The following IL10RB variants were observed in gnomAD, a reference collection of about 807,000 sequenced individuals.
IL10RB encodes the protein interleukin-10 receptor subunit beta.
IL10RB carries 30 observed loss-of-function variants against 38.7 expected under a neutral mutation model. That is an observed-to-expected ratio of 0.78 (90% confidence interval 0.58 to 1.05). The LOEUF (loss-of-function observed/expected upper bound fraction) is 1.05, where lower values mean the gene tolerates loss of function less well. IL10RB is among the 50% of genes least tolerant of loss of function. IL10RB has a pLI of 0.00. For synonymous variants in IL10RB, 142 were observed against 145.9 expected (o/e 0.97, Z 0.19); for missense variants, 328 against 397.1 (o/e 0.83, Z 1.48).
chr21:33,301,280 T>G (rs2082985243), downstream of IL10RB, among the ~76,000 whole-genome samples: 3 of 152,256 alleles, frequency 2.0e-5, no homozygotes, highest in Admixed American at 6.5e-5. Context: ...TCCATGGTTC[T>G]GTCTCCTGAC....
downstream of IL10RB, among the ~76,000 whole-genome samples, chr21:33,297,734 G>A (rs981660157): frequency 6.6e-6 from 1 of 152,020 alleles, no homozygotes; most frequent in Admixed American, 6.6e-5. Flanking sequence ...GATAGCTTGA[G>A]CCCAGGAGGT....
At chr21:33,282,857 GC>G (rs1329182739) in intron 4 of IL10RB, among the ~76,000 whole-genome samples, 3 of 152,110 alleles carry the variant, frequency 2.0e-5, no homozygotes, top group African/African-American at 7.2e-5. Flanking sequence ...AGAAGTGATG[GC>G]TTGTGTGTCA....
intron 6 of IL10RB, among the ~76,000 whole-genome samples, chr21:33,290,603 C>T (rs929625591): frequency 6.6e-6 from 1 of 152,204 alleles, no homozygotes; most frequent in Non-Finnish European, 1.5e-5. Context: ...GTTCCACCTG[C>T]TGGGGACACA....
chr21:33,281,739 C>T (rs963462260), intron 4 of IL10RB, among the ~76,000 whole-genome samples: 1 of 152,210 alleles, frequency 6.6e-6, no homozygotes, highest in African/African-American at 2.4e-5. Context: ...TCTGCCACCA[C>T]ACCCCGCTAA....
chr21:33,309,937 G>A (rs982039641), exon 2 of IL10RB: 2 of 152,182 alleles, frequency 1.3e-5, no homozygotes, highest in African/African-American at 4.8e-5. Context: ...TTGAAGTAGG[G>A]CCTACAGCAG....
At chr21:33,286,900 T>C (rs1177467322) in intron 5 of IL10RB, among the ~76,000 whole-genome samples, 3 of 151,736 alleles carry the variant, frequency 2.0e-5, no homozygotes, top group Non-Finnish European at 4.4e-5. Context: ...AAAGAAAGAA[T>C]GCGTGGGGAG....
chr21:33,297,445 C>A (rs1205926195), downstream of IL10RB, among the ~76,000 whole-genome samples: 1 of 149,848 alleles, frequency 6.7e-6, no homozygotes, highest in African/African-American at 2.5e-5. Context: ...AAAAAAAAAC[C>A]TAGAAATAAA....
chr21:33,295,671 CAA>C (rs549680649), intron 6 of IL10RB, among the ~76,000 whole-genome samples: 26,373 of 109,898 alleles, frequency 0.24, 2,365 homozygotes, highest in African/African-American at 0.32. Context: ...GACTCCATCT[CAA>C]AAAAAAAAAA....
chr21:33,306,813 C>T (rs927632501), intron 1 of IL10RB, among the ~76,000 whole-genome samples: 1 of 152,126 alleles, frequency 6.6e-6, no homozygotes, highest in African/African-American at 2.4e-5. Context: ...CTGGGAGTCA[C>T]CACACCCAGC....
chr21:33,308,610 A>G (rs989413166), intron 1 of IL10RB: 65 of 152,346 alleles, frequency 4.3e-4, no homozygotes, highest in African/African-American at 1.5e-3. Flanking sequence ...AAAACTGTAT[A>G]CAGTATATTG....
intron 4 of IL10RB, among the ~76,000 whole-genome samples, chr21:33,281,173 A>G (rs1203386059): frequency 6.6e-6 from 1 of 152,184 alleles, no homozygotes; most frequent in Non-Finnish European, 1.5e-5. Context: ...TTATTTAATC[A>G]CTTCTGAAAA....
At chr21:33,290,984 A>T (rs1989475731) in intron 6 of IL10RB, among the ~76,000 whole-genome samples, 1 of 152,154 alleles carries the variant, frequency 6.6e-6, no homozygotes, top group Non-Finnish European at 1.5e-5. Context: ...GCTGTGAGGG[A>T]GGATCTGTCC....
intron 3 of IL10RB, 22 bp downstream of exon 3, chr21:33,276,775 T>G (rs1406160586): frequency 6.2e-7 from 1 of 1,607,878 alleles, no homozygotes; most frequent in Admixed American, 1.7e-5. Flanking sequence ...TGTTTTCCCT[T>G]TTTTTGTAAT....
At chr21:33,275,611 G>T (rs1465678758) in intron 2 of IL10RB, among the ~76,000 whole-genome samples, 1 of 152,094 alleles carries the variant, frequency 6.6e-6, no homozygotes, top group East Asian at 1.9e-4. Flanking sequence ...TTTCAATAAG[G>T]CTGTTTTACT....
downstream of IL10RB, among the ~76,000 whole-genome samples, chr21:33,298,204 A>G (rs1217028956): frequency 6.6e-6 from 1 of 152,090 alleles, no homozygotes; most frequent in Non-Finnish European, 1.5e-5. Context: ...CAACATCAAG[A>G]CTCGCATTTT....
At chr21:33,290,855 G>A (rs982418847) in intron 6 of IL10RB, among the ~76,000 whole-genome samples, 1 of 152,016 alleles carries the variant, frequency 6.6e-6, no homozygotes, top group Admixed American at 6.5e-5. Flanking sequence ...CTAGTTTGTC[G>A]GGGCTGCTGT....
At chr21:33,277,790 C>T (rs1989203494) in intron 3 of IL10RB, among the ~76,000 whole-genome samples, 1 of 150,534 alleles carries the variant, frequency 6.6e-6, no homozygotes, top group Admixed American at 6.6e-5. Context: ...GTGCCTCAGC[C>T]TCCTGAGTAG....
chr21:33,297,771 C>T (rs926074993), downstream of IL10RB, among the ~76,000 whole-genome samples: 1 of 151,906 alleles, frequency 6.6e-6, no homozygotes, highest in African/African-American at 2.4e-5. Context: ...TATGTTCATG[C>T]CATTGCCCTC....
rs565409482 is a variant in IL10RB at position 33,296,817 on chromosome 21, G to A, written c.*460G>A. On this transcript the variant is annotated 3_prime_UTR_variant, in exon 7 of 7. Coordinates refer to ENST00000290200, the MANE Select transcript of IL10RB (RefSeq NM_000628.5). ...ACAAAAATTAGCTAGGCATGATGGC[G>A]CATGCCTATAATCCCAGCTACTCGA... The A allele has an allele frequency of 8.8e-6, 3 of 341,996 alleles. No individual in the cohort carries two copies. Among genetic ancestry groups the A allele is most frequent in the Admixed American group, 4.0e-5 (1 of 25,030 alleles). The allele number at this position is 341,996 out of a possible 1,614,324, so 21.2% of individuals were successfully genotyped here.
Sources: allele counts gnomAD v4.1 joint callset (sites outside exome capture counted in the v4.1 genomes callset), GRCh38; gene constraint gnomAD v4.1.1; transcripts MANE v1.5; gene names NCBI Gene and HGNC (gene_info 2026-07-23, HGNC 2026-07-21).